The following ADARB2 variants were observed in gnomAD, a reference collection of about 807,000 sequenced individuals.
ADARB2 encodes the protein inactive double-stranded RNA-specific editase B2.
A neutral mutation model predicts 62.2 loss-of-function variants in ADARB2; 25 were observed. The observed-to-expected ratio is 0.40, with a 90% CI of 0.29 to 0.56. The LOEUF (loss-of-function observed/expected upper bound fraction) is 0.56, where lower values mean the gene tolerates loss of function less well. Among genes scored for constraint, ADARB2 ranks in the 20% least tolerant of loss-of-function variants. The pLI is 0.43. For synonymous variants in ADARB2, 572 were observed against 500.8 expected, an observed-to-expected ratio of 1.14 and a Z score of -1.90; for missense variants, 1,071 against 1,077.4, an observed-to-expected ratio of 0.99 and a Z score of 0.08.
chr10:1,206,522 T>C (rs1294470264), intron 7 of ADARB2, among the ~76,000 whole-genome samples: 2 of 152,098 alleles, frequency 1.3e-5, no homozygotes, highest in African/African-American at 2.4e-5. Flanking sequence ...CTGAGAGAAC[T>C]GCGGGGTCTC....
chr10:1,703,970 A>G (rs1284527866), intron 1 of ADARB2, among the ~76,000 whole-genome samples: 1 of 152,220 alleles, frequency 6.6e-6, no homozygotes, highest in Admixed American at 6.5e-5. Context: ...GCAAGCCGTG[A>G]TTGATTTTAG....
Position 1,277,469 on chromosome 10 carries a change from T to C in ADARB2, c.1078-6400A>G, listed in dbSNP as rs961332445. Among the ~76,000 whole-genome samples the C allele has an allele frequency of 5.3e-5, 8 of 152,122 alleles. No homozygotes were observed. The East Asian group carries it at 7.7e-4, about 15-fold the overall frequency. On this transcript the variant is annotated intron_variant, in intron 3 of 9. Coordinates refer to ENST00000381312, the MANE Select transcript of ADARB2 (RefSeq NM_018702.4). ...TACAAACTACCATTAGAGAATACTA[T>C]AAACACCTCTACGCAAATAAACTAG...
At chr10:1,187,121 G>A (rs1418313143) in intron 8 of ADARB2, among the ~76,000 whole-genome samples, 2 of 152,240 alleles carry the variant, frequency 1.3e-5, no homozygotes, top group African/African-American at 4.8e-5. Flanking sequence ...ACACCCAAGC[G>A]AATCCCGTTC....
chr10:1,529,583 C>A (rs1832194702), intron 1 of ADARB2, among the ~76,000 whole-genome samples: 2 of 152,196 alleles, frequency 1.3e-5, no homozygotes, highest in Admixed American at 1.3e-4. Context: ...CATAGTTTTC[C>A]CCTCACCGAC....
chr10:1,538,987 G>A lies in ADARB2; in HGVS notation c.101-159827C>T, dbSNP rs568077392. ...CAGGCGTCATTCTCACGACAGGTGA[G>A]GGGTCTCAGGCCAGAGAGGGCAGAG... On this transcript the variant is annotated intron_variant, in intron 1 of 9. Coordinates refer to ENST00000381312, the MANE Select transcript of ADARB2 (RefSeq NM_018702.4). Among the ~76,000 whole-genome samples the A allele has an allele frequency of 1.6e-4, 25 of 152,302 alleles. 1 individual carries two copies. The South Asian group carries it at 5.0e-3, about 30-fold the overall frequency.
chr10:1,380,072 G>T (rs1832469184), intron 1 of ADARB2, among the ~76,000 whole-genome samples: 1 of 152,224 alleles, frequency 6.6e-6, no homozygotes, highest in African/African-American at 2.4e-5. Context: ...CCGCACTTGG[G>T]AGTATTGGTT....
intron 1 of ADARB2, among the ~76,000 whole-genome samples, chr10:1,719,680 T>C (rs868012307): frequency 1.7e-4 from 26 of 152,260 alleles, no homozygotes; most frequent in Middle Eastern, 6.8e-3. Flanking sequence ...ATAAGGAACC[T>C]AAATAAATCA....
intron 1 of ADARB2, among the ~76,000 whole-genome samples, chr10:1,575,013 T>C (rs1253120330): frequency 6.6e-6 from 1 of 152,266 alleles, no homozygotes; most frequent in East Asian, 1.9e-4. Flanking sequence ...GGCAGCAACA[T>C]TGTAACAGGT....
At chr10:1,654,007 G>T (rs528277993) in intron 1 of ADARB2, among the ~76,000 whole-genome samples, 2 of 152,074 alleles carry the variant, frequency 1.3e-5, no homozygotes, top group African/African-American at 4.8e-5. Context: ...TGCCCCGGGG[G>T]TCCTGGGGGC....
chr10:1,382,350 CA>C (rs1832490722), intron 1 of ADARB2, among the ~76,000 whole-genome samples: 1 of 152,204 alleles, frequency 6.6e-6, no homozygotes, highest in African/African-American at 2.4e-5. Flanking sequence ...TTATTGCTAA[CA>C]AGTACACCTG....
At chr10:1,309,273 A>T (rs1589188147) in intron 3 of ADARB2, among the ~76,000 whole-genome samples, 1 of 152,236 alleles carries the variant, frequency 6.6e-6, no homozygotes, top group African/African-American at 2.4e-5. Context: ...CCATTGCTGG[A>T]CAGTGTAAGA....
chr10:1,716,819 A>T (rs548236206), intron 1 of ADARB2, among the ~76,000 whole-genome samples: 24 of 152,292 alleles, frequency 1.6e-4, no homozygotes, highest in Non-Finnish European at 2.9e-4. Context: ...CCTTATGACT[A>T]TCAAGGAGCT....
chr10:1,449,537 A>G (rs1337979821), intron 1 of ADARB2, among the ~76,000 whole-genome samples: 1 of 152,200 alleles, frequency 6.6e-6, no homozygotes, highest in Non-Finnish European at 1.5e-5. Context: ...GCACTAGCAC[A>G]TCAGATAGCT....
chr10:1,540,928 C>T (rs1273526605), intron 1 of ADARB2, among the ~76,000 whole-genome samples: 2 of 60,340 alleles, frequency 3.3e-5, no homozygotes, highest in Non-Finnish European at 6.4e-5. Context: ...ACCCTGGATC[C>T]GTCCAGACCC....
rs890809126 is a variant in ADARB2 at position 1,685,301 on chromosome 10, C to G, written c.100+51750G>C. ...GAGACACAGCGGCCACCTGAATGAG[C>G]ACACCAAGATCAACTTGACTCCCTG... On this transcript the variant is annotated intron_variant, in intron 1 of 9. Coordinates refer to ENST00000381312, the MANE Select transcript of ADARB2 (RefSeq NM_018702.4). Among the ~76,000 whole-genome samples the G allele has an allele frequency of 2.6e-5, 4 of 152,130 alleles. No homozygotes were observed. In the East Asian group the frequency reaches 7.7e-4, roughly 29 times the overall value.
intron 1 of ADARB2, among the ~76,000 whole-genome samples, chr10:1,650,911 C>T (rs1480415149): frequency 6.6e-6 from 1 of 152,204 alleles, no homozygotes; most frequent in African/African-American, 2.4e-5. Context: ...GCAGCTTTTC[C>T]CGGCTCATGT....
At chr10:1,206,341 C>T (rs1017282147) in intron 7 of ADARB2, among the ~76,000 whole-genome samples, 1 of 152,142 alleles carries the variant, frequency 6.6e-6, no homozygotes, top group Non-Finnish European at 1.5e-5. Context: ...GGCGTCTCCT[C>T]CTTGTGCCTG....
chr10:1,252,435 T>A (rs1039316764), intron 4 of ADARB2, among the ~76,000 whole-genome samples: 1 of 152,180 alleles, frequency 6.6e-6, no homozygotes, highest in Non-Finnish European at 1.5e-5. Flanking sequence ...CTTCCACAGT[T>A]TATCAGTGCT....
chr10:1,417,251 G>A (rs1244165563), intron 1 of ADARB2, among the ~76,000 whole-genome samples: 2 of 151,938 alleles, frequency 1.3e-5, no homozygotes, highest in African/African-American at 4.8e-5. Context: ...CAGTCAAGAA[G>A]TATAGACTAG....
Sources: allele counts gnomAD v4.1 joint callset (sites outside exome capture counted in the v4.1 genomes callset), GRCh38; gene constraint gnomAD v4.1.1; transcripts MANE v1.5; gene names NCBI Gene and HGNC (gene_info 2026-07-23, HGNC 2026-07-21).